SCAMP2: variants seen among roughly 807,000 people sequenced by gnomAD.
The protein encoded by SCAMP2 is secretory carrier-associated membrane protein 2.
In SCAMP2, 25 loss-of-function variants were observed where a neutral mutation model predicts 44.1. The ratio of observed to expected loss-of-function variants is 0.57; its 90% CI spans 0.41 to 0.79. The LOEUF (loss-of-function observed/expected upper bound fraction) is 0.79. SCAMP2 is among the 30% of genes least tolerant of loss of function. SCAMP2 has a pLI of 0.00. For synonymous variants in SCAMP2, 156 were observed against 166.0 expected (o/e 0.94, Z 0.46); for missense variants, 355 against 411.0 (o/e 0.86, Z 1.18).
chr15:74,864,693 G>A (rs1443629117), intron 1 of SCAMP2, among the ~76,000 whole-genome samples: 2 of 152,104 alleles, frequency 1.3e-5, no homozygotes, highest in East Asian at 1.9e-4. Flanking sequence ...AGGAACAAGA[G>A]GGACTTCAGA....
At chr15:74,859,403 C>CA (rs1465884667) in intron 1 of SCAMP2, among the ~76,000 whole-genome samples, 1 of 151,822 alleles carries the variant, frequency 6.6e-6, no homozygotes, top group East Asian at 1.9e-4. Context: ...AGGTGCAGAG[C>CA]AAAAAACAGG....
intron 1 of SCAMP2, among the ~76,000 whole-genome samples, chr15:74,862,091 CAA>C (rs532547553): frequency 5.6e-5 from 6 of 106,848 alleles, no homozygotes; most frequent in Admixed American, 9.7e-5. Flanking sequence ...CCGTCTCTAC[CAA>C]AAAAAAAAAA....
rs530129145 is a variant in SCAMP2, at chr15:74,864,084, C to T, written c.57+9115G>A. 2.4e-4 allele frequency among the ~76,000 whole-genome samples: 36 copies of T among 152,222 alleles called. 1 individual carries two copies. The South Asian group carries it at 4.1e-3, about 18-fold the overall frequency. Reference sequence around the variant, plus strand: ...TTTATATATGTATATATTTTTGAGACGGAGTCTCACTCTGTCGTCCAGGCT... The same window carrying T: ...TTTATATATGTATATATTTTTGAGATGGAGTCTCACTCTGTCGTCCAGGCT... On this transcript the variant is annotated intron_variant, in intron 1 of 8. Transcript: ENST00000268099.
At chr15:74,847,086 A>AT (rs34231883) in intron 7 of SCAMP2, among the ~76,000 whole-genome samples, 2,185 of 109,314 alleles carry the variant, frequency 0.02, 108 homozygotes, top group African/African-American at 0.068. Flanking sequence ...TTGTCAGTTA[A>AT]TTTTTTTTTT....
At chr15:74,845,727 G>T in intron 7 of SCAMP2, 134 bp from the exon 8 acceptor site, 1 of 1,131,536 alleles carries the variant, frequency 8.8e-7, no homozygotes. Flanking sequence ...AGGGAGCCCT[G>T]TGAGCCAGAA....
chr15:74,872,896 G>A (rs2064586618), intron 1 of SCAMP2: 1 of 359,222 alleles, frequency 2.8e-6, no homozygotes. Context: ...CCTGACGCTA[G>A]GAGACTTCCG....
intron 1 of SCAMP2, among the ~76,000 whole-genome samples, chr15:74,854,931 T>C (rs149436058): frequency 6.7e-6 from 1 of 150,334 alleles, no homozygotes; most frequent in Non-Finnish European, 1.5e-5. Flanking sequence ...TGGTGCCCTA[T>C]ACAGATTCAA....
intron 1 of SCAMP2, among the ~76,000 whole-genome samples, chr15:74,868,574 C>G (rs141394509): frequency 1.9e-4 from 29 of 152,260 alleles, no homozygotes; most frequent in Non-Finnish European, 3.7e-4. Flanking sequence ...GATAGAGTTT[C>G]ACTCTATTAC....
intron 1 of SCAMP2, among the ~76,000 whole-genome samples, chr15:74,858,771 T>C (rs551276095): frequency 1.3e-4 from 20 of 151,518 alleles, no homozygotes; most frequent in Non-Finnish European, 2.4e-4. Flanking sequence ...TTCTGCTTGT[T>C]TCCTTGCTTC....
intron 1 of SCAMP2, among the ~76,000 whole-genome samples, chr15:74,868,893 C>T (rs550529971): frequency 6.6e-6 from 1 of 152,276 alleles, no homozygotes; most frequent in African/African-American, 2.4e-5. Flanking sequence ...CAGTGGCTCA[C>T]GCCTGTAATC....
intron 1 of SCAMP2, among the ~76,000 whole-genome samples, chr15:74,855,058 C>A (rs1046784553): frequency 1.3e-5 from 2 of 148,648 alleles, no homozygotes; most frequent in African/African-American, 5.0e-5. Context: ...GACTTTATAA[C>A]CTTTCTGTAC....
intron 1 of SCAMP2, among the ~76,000 whole-genome samples, chr15:74,865,986 G>GGAAGGAAC (rs2064540217): frequency 6.1e-5 from 5 of 82,382 alleles, no homozygotes; most frequent in Admixed American, 1.4e-4. Flanking sequence ...AAGGAAGGAA[G>GGAAGGAAC]GAAGGAAGGA....
At position 74,873,309 on chromosome 15, in the gene SCAMP2, C is replaced by T. The variant is rs1596430060; in HGVS notation, c.-54G>A. ...GCGAACGCTGCTGCCTCCGGGCACC[C>T]AGACCCAGCGGCGCTTCGTGTAGAC... On this transcript the variant is annotated 5_prime_UTR_variant, in exon 1 of 9. Transcript: ENST00000268099. 5 of 1,454,732 alleles carry T rather than the reference C, an allele frequency of 3.4e-6. No individual in the cohort carries two copies. The African/African-American group carries it at 4.5e-5, about 13-fold the overall frequency. The allele number at this position is 1,454,732 out of a possible 1,614,324, so 90.1% of individuals were successfully genotyped here. A position where few individuals can be genotyped will look rare whatever the true frequency, so the allele number is the denominator to read the frequency against.
intron 1 of SCAMP2, among the ~76,000 whole-genome samples, chr15:74,856,582 CTTTT>C (rs561034044): frequency 2.9e-5 from 4 of 138,102 alleles, no homozygotes; most frequent in Non-Finnish European, 6.4e-5. Context: ...GCCTCCAGTT[CTTTT>C]TTTTTTTTTT....
rs545500991 is a variant in SCAMP2 at position 74,844,394 on chromosome 15, G to A, written c.*689C>T. 1.0e-4 allele frequency: 16 copies of A among 152,442 alleles called. No homozygotes were observed. The highest frequency in any genetic ancestry group is 9.6e-4 in the East Asian group (5 of 5,182). The allele number at this position is 152,442 out of a possible 1,614,324, so 9.4% of individuals were successfully genotyped here. A position where few individuals can be genotyped will look rare whatever the true frequency, so the allele number is the denominator to read the frequency against. On this transcript the variant is annotated 3_prime_UTR_variant, in exon 9 of 9. Transcript: ENST00000268099. ...TCTGAAGAGAGTAAGGCTCAGCAAG[G>A]GGAGGGCTCCAGAGGGCTCAAAGTG...
chr15:74,859,519 G>T (rs955070859), intron 1 of SCAMP2, among the ~76,000 whole-genome samples: 1 of 152,106 alleles, frequency 6.6e-6, no homozygotes, highest in Non-Finnish European at 1.5e-5. Flanking sequence ...GCAAGGCAGG[G>T]GGGCACTTCC....
chr15:74,850,533 G>A lies in SCAMP2; in HGVS notation c.613C>T (p.Pro205Ser). The change falls in exon 6 of 9, where the codon CCC becomes TCC. Residue 205 changes from proline to serine, a missense_variant. Transcript: ENST00000268099. ...ACTCACCTAAAGGCCTTATAGATGG[G>A]TCGGTACCAACAAAGGAAGGCACAG... ...TPCAFLCWYR[P>S]IYKAFRSDNS... is the part of the protein sequence containing the mutation. 6 of 1,614,086 alleles carry A rather than the reference G, an allele frequency of 3.7e-6. No homozygotes were observed. The highest frequency in any genetic ancestry group is 5.1e-6 in the Non-Finnish European group (6 of 1,179,974).
intron 1 of SCAMP2, among the ~76,000 whole-genome samples, chr15:74,859,517 G>T (rs2064489012): frequency 6.6e-6 from 1 of 152,106 alleles, no homozygotes; most frequent in Admixed American, 6.6e-5. Flanking sequence ...CTGCAAGGCA[G>T]GGGGGCACTT....
At position 74,871,777 on chromosome 15, in the gene SCAMP2, G is replaced by A. The variant is rs572190067; in HGVS notation, c.57+1422C>T. ...CAAAAAAAAGAGGCCAGGTGTGGTG[G>A]CTCACCCCTGTAATCCCAGCACTTT... is the stretch of plus-strand genomic sequence containing the variant. On this transcript the variant is annotated intron_variant, in intron 1 of 8. Transcript: ENST00000268099. Among the ~76,000 whole-genome samples the A allele has an allele frequency of 4.0e-5, 6 of 149,492 alleles. No individual in the cohort carries two copies. The South Asian group carries it at 1.3e-3, about 31-fold the overall frequency.
Sources: allele counts gnomAD v4.1 joint callset (sites outside exome capture counted in the v4.1 genomes callset), GRCh38; gene constraint gnomAD v4.1.1; transcripts MANE v1.5; gene names NCBI Gene and HGNC (gene_info 2026-07-23, HGNC 2026-07-21).